The following CAGE1 variants were observed in gnomAD, a reference collection of about 807,000 sequenced individuals.
The protein encoded by CAGE1 is cancer-associated gene 1 protein.
CAGE1 carries 66 observed loss-of-function variants against 94.9 expected under a neutral mutation model. The observed-to-expected ratio is 0.70, with a 90% CI of 0.57 to 0.85. The LOEUF (loss-of-function observed/expected upper bound fraction) is 0.85, where lower values mean the gene tolerates loss of function less well. CAGE1 is among the 40% of genes least tolerant of loss of function. The pLI is 0.00. For synonymous variants in CAGE1, 319 were observed against 321.0 expected (o/e 0.99, Z 0.07); for missense variants, 865 against 950.4 (o/e 0.91, Z 1.18).
intron 4 of CAGE1, among the ~76,000 whole-genome samples, chr6:7,378,209 G>A (rs1263670977): frequency 6.6e-6 from 1 of 152,074 alleles, no homozygotes; most frequent in Non-Finnish European, 1.5e-5. Context: ...AAAAATTATG[G>A]TAAAAAAAGC....
At chr6:7,370,718 A>T (rs929763444) in intron 5 of CAGE1, among the ~76,000 whole-genome samples, 1 of 152,212 alleles carries the variant, frequency 6.6e-6, no homozygotes, top group Non-Finnish European at 1.5e-5. Context: ...AGATAGCTGG[A>T]TTCTCATATT....
chr6:7,339,169 A>G lies in CAGE1; in HGVS notation c.2370-5079T>C. Reference sequence around the variant, plus strand: ...AGTTTCCCAGACACCACGACCTCACAGCCTTTGGCCCCAGTTTCCATGATG... The same window carrying G: ...AGTTTCCCAGACACCACGACCTCACGGCCTTTGGCCCCAGTTTCCATGATG... On this transcript the variant is annotated intron_variant, in intron 11 of 13. Coordinates refer to ENST00000502583, the MANE Select transcript of CAGE1 (RefSeq NM_001170692.2). The surrounding 1 kb of genome is among the most constrained non-coding windows in gnomAD (Gnocchi z 4.7). 1.3e-6 allele frequency: 2 copies of G among 1,516,436 alleles called. No homozygotes were observed. Among genetic ancestry groups the G allele is most frequent in the Non-Finnish European group, 1.8e-6 (2 of 1,092,380 alleles). 93.9% of individuals were successfully genotyped at this position (1,516,436 alleles called of 1,614,324 possible). A position where few individuals can be genotyped will look rare whatever the true frequency, so the allele number is the denominator to read the frequency against.
chr6:7,342,707 A>T (rs925680659), intron 11 of CAGE1, among the ~76,000 whole-genome samples: 1 of 152,214 alleles, frequency 6.6e-6, no homozygotes, highest in African/African-American at 2.4e-5. Context: ...GTTCTTGGTC[A>T]TGAAGTCTTT....
intron 12 of CAGE1, among the ~76,000 whole-genome samples, chr6:7,333,020 A>G (rs1228572736): frequency 1.3e-5 from 2 of 151,610 alleles, no homozygotes; most frequent in South Asian, 2.1e-4. Context: ...GCACGATCTC[A>G]GCTCACTGCA....
intron 12 of CAGE1, among the ~76,000 whole-genome samples, chr6:7,333,664 A>C (rs1487994692): frequency 2.1e-4 from 22 of 106,938 alleles, no homozygotes; most frequent in East Asian, 1.4e-3. Flanking sequence ...ATATATATAT[A>C]TATATATATA....
At position 7,348,411 on chromosome 6, in the gene CAGE1, A is replaced by G. The variant is rs180798405; in HGVS notation, c.2369+6630T>C. Among the ~76,000 whole-genome samples the G allele has an allele frequency of 2.9e-4, 44 of 152,346 alleles. 3 individuals carry two copies. The South Asian group carries it at 5.2e-3, about 18-fold the overall frequency. ...TCAAGGGAACACCCCATGGGACAAA[A>G]GAATCTAAACAACAGCCTTGGACCT... On this transcript the variant is annotated intron_variant, in intron 11 of 13. Coordinates refer to ENST00000502583, the MANE Select transcript of CAGE1 (RefSeq NM_001170692.2).
intron 11 of CAGE1, among the ~76,000 whole-genome samples, chr6:7,354,253 A>G (rs574299574): frequency 5.3e-5 from 8 of 152,256 alleles, no homozygotes; most frequent in Admixed American, 2.0e-4. Context: ...TATAAGCTGA[A>G]GAGGAATCAA....
chr6:7,375,471 T>A (rs1448212272), intron 4 of CAGE1, among the ~76,000 whole-genome samples: 3 of 151,554 alleles, frequency 2.0e-5, no homozygotes, highest in African/African-American at 4.9e-5. Flanking sequence ...GCACAGTGGC[T>A]CATACCTGTA....
intron 12 of CAGE1, among the ~76,000 whole-genome samples, chr6:7,332,480 A>T (rs1386680824): frequency 6.6e-6 from 1 of 152,112 alleles, no homozygotes; most frequent in Non-Finnish European, 1.5e-5. Context: ...TTCTTAAGGG[A>T]TTTTCACACC....
chr6:7,350,576 G>A (rs909255197), intron 11 of CAGE1, among the ~76,000 whole-genome samples: 3 of 151,984 alleles, frequency 2.0e-5, no homozygotes, highest in Admixed American at 6.6e-5. Flanking sequence ...AGACCACAGT[G>A]GAATAAAACC....
chr6:7,379,021 C>T lies in CAGE1; in HGVS notation c.284-1G>A. The T allele has an allele frequency of 6.7e-7, 1 of 1,496,932 alleles. No homozygotes were observed. Among genetic ancestry groups the T allele is most frequent in the Non-Finnish European group, 8.9e-7 (1 of 1,124,830 alleles). The allele number at this position is 1,496,932 out of a possible 1,614,324, so 92.7% of individuals were successfully genotyped here. The stretch of plus-strand genomic sequence containing the variant: ...GTTGAGTAATTTTCAATGTTGTTAT[C>T]TCATAAGAAAGAGAAAGAAGGAAAT... On this transcript the variant is annotated splice_acceptor_variant, in intron 3 of 13. Transcript: ENST00000502583. LOFTEE classifies it high-confidence loss of function.
At chr6:7,368,934 A>G (rs1220391099) in intron 6 of CAGE1, 136 bp from the exon 7 acceptor site, 6 of 570,342 alleles carry the variant, frequency 1.1e-5, no homozygotes, top group Non-Finnish European at 1.5e-5. Flanking sequence ...ATCATATTGA[A>G]CTCCATTCCT....
chr6:7,388,527 C>T (rs1761215004), intron 1 of CAGE1, among the ~76,000 whole-genome samples: 1 of 152,188 alleles, frequency 6.6e-6, no homozygotes, highest in Non-Finnish European at 1.5e-5. Context: ...ATACTTAGGG[C>T]TTTCCAATAT....
At chr6:7,343,188 C>T in intron 11 of CAGE1, among the ~76,000 whole-genome samples, 1 of 48,898 alleles carries the variant, frequency 2.0e-5, no homozygotes, top group South Asian at 5.3e-4. Context: ...GACTCTGTCC[C>T]ACAAAAAAAA....
chr6:7,328,970 C>T (rs1180276463), intron 13 of CAGE1: 7 of 154,644 alleles, frequency 4.5e-5, no homozygotes, highest in South Asian at 2.3e-4. Flanking sequence ...CTCTCTCTGT[C>T]GCCCAGGCTG....
At position 7,378,997 on chromosome 6, in the gene CAGE1, T is replaced by C. The variant is rs1192082979; in HGVS notation, c.307A>G (p.Thr103Ala). 6.5e-6 allele frequency: 10 copies of C among 1,530,710 alleles called. No homozygotes were observed. The highest frequency in any genetic ancestry group is 7.9e-6 in the Non-Finnish European group (9 of 1,139,332). The allele number at this position is 1,530,710 out of a possible 1,614,324, so 94.8% of individuals were successfully genotyped here. The change falls in exon 4 of 14, where the codon ACG becomes GCG. Residue 103 changes from threonine to alanine, a missense_variant. Coordinates refer to ENST00000502583, the MANE Select transcript of CAGE1 (RefSeq NM_001170692.2). ...LNDNNIENYSTNALIQPVDTI... is the reference protein window; with the variant it reads ...LNDNNIENYSANALIQPVDTI... ...TCAACTGGCTGAATTAGTGCATTCGTTGAGTAATTTTCAATGTTGTTATCT... is the reference window on the plus strand; with the variant it reads ...TCAACTGGCTGAATTAGTGCATTCGCTGAGTAATTTTCAATGTTGTTATCT...
At chr6:7,369,484 A>G (rs903800326) in intron 6 of CAGE1, among the ~76,000 whole-genome samples, 3 of 152,160 alleles carry the variant, frequency 2.0e-5, no homozygotes, top group African/African-American at 7.2e-5. Flanking sequence ...CAGCAACTTC[A>G]CTTTTCATTC....
At chr6:7,374,203 G>T in intron 4 of CAGE1, 72 bp from the exon 5 acceptor site, 1 of 1,262,026 alleles carries the variant, frequency 7.9e-7, no homozygotes, top group Non-Finnish European at 1.1e-6. Context: ...AAATAGGGCT[G>T]GCCTTGAATT....
intron 11 of CAGE1, among the ~76,000 whole-genome samples, chr6:7,353,924 G>A (rs1458002364): frequency 6.6e-6 from 1 of 151,956 alleles, no homozygotes; most frequent in Admixed American, 6.6e-5. Context: ...TGATATAATG[G>A]ACTCTGGGGA....
Sources: allele counts gnomAD v4.1 joint callset (sites outside exome capture counted in the v4.1 genomes callset), GRCh38; gene constraint gnomAD v4.1.1; non-coding constraint Gnocchi (gnomAD v3.1); transcripts MANE v1.5; gene names NCBI Gene and HGNC (gene_info 2026-07-23, HGNC 2026-07-21).